The following GRM7 variants were observed in gnomAD, a reference collection of about 807,000 sequenced individuals.
GRM7 encodes the protein metabotropic glutamate receptor 7.
A neutral mutation model predicts 84.5 loss-of-function variants in GRM7; 35 were observed. That is an observed-to-expected ratio of 0.41 (90% CI 0.32 to 0.55). The LOEUF (loss-of-function observed/expected upper bound fraction) is 0.55, where lower values mean the gene tolerates loss of function less well. Among genes scored for constraint, GRM7 ranks in the 20% least tolerant of loss-of-function variants. GRM7 has a pLI of 0.19. For missense variants in GRM7, 1,003 were observed against 1,194.6 expected (o/e 0.84, Z 2.36); for synonymous variants, 487 against 455.1 (o/e 1.07, Z -0.89).
chr3:7,337,509 A>G (rs2125073914), intron 4 of GRM7, among the ~76,000 whole-genome samples: 1 of 152,248 alleles, frequency 6.6e-6, no homozygotes, highest in African/African-American at 2.4e-5. Flanking sequence ...TTCGCAAACT[A>G]CGCATCCAAC....
chr3:7,358,666 C>G (rs564978337), intron 4 of GRM7, among the ~76,000 whole-genome samples: 3 of 132,024 alleles, frequency 2.3e-5, no homozygotes, highest in Non-Finnish European at 4.8e-5. Flanking sequence ...GCAAATAAAA[C>G]TGTTTAACTT....
chr3:7,465,839 C>A (rs752505392), intron 7 of GRM7, among the ~76,000 whole-genome samples: 13 of 152,080 alleles, frequency 8.5e-5, no homozygotes, highest in Admixed American at 1.3e-4. Flanking sequence ...CTCTGTAGAT[C>A]AGACTGCTCT....
chr3:7,226,062 A>G (rs1354423261), intron 2 of GRM7, among the ~76,000 whole-genome samples: 1 of 152,190 alleles, frequency 6.6e-6, no homozygotes, highest in Non-Finnish European at 1.5e-5. Flanking sequence ...TATTTTAGTT[A>G]ATTAATATTT....
At chr3:7,399,925 C>T (rs1266357207) in intron 4 of GRM7, among the ~76,000 whole-genome samples, 1 of 152,156 alleles carries the variant, frequency 6.6e-6, no homozygotes, top group East Asian at 1.9e-4. Flanking sequence ...ATCACTTGCG[C>T]AGCCTCAGGT....
intron 8 of GRM7, among the ~76,000 whole-genome samples, chr3:7,659,823 T>C (rs1460076573): frequency 1.3e-5 from 2 of 152,204 alleles, no homozygotes; most frequent in East Asian, 3.9e-4. Context: ...TCTAGTCTCT[T>C]GGGAGCTCAT....
intron 1 of GRM7, among the ~76,000 whole-genome samples, chr3:6,923,204 G>T (rs1697183370): frequency 6.6e-6 from 1 of 151,822 alleles, no homozygotes; most frequent in Admixed American, 6.6e-5. Flanking sequence ...TAGTAGAGAT[G>T]GGGTTTCACT....
intron 7 of GRM7, among the ~76,000 whole-genome samples, chr3:7,527,543 A>G (rs999913703): frequency 6.6e-6 from 1 of 151,760 alleles, no homozygotes; most frequent in Admixed American, 6.6e-5. Flanking sequence ...ATGGCTCTGG[A>G]TAGGACTTCC....
intron 4 of GRM7, among the ~76,000 whole-genome samples, chr3:7,406,526 CA>C (rs1248463476): frequency 1.3e-5 from 2 of 152,062 alleles, no homozygotes; most frequent in African/African-American, 4.8e-5. Context: ...AATTATTAAA[CA>C]TACATAAAAA....
At chr3:7,442,398 A>T (rs747516826) in intron 5 of GRM7, among the ~76,000 whole-genome samples, 8 of 152,194 alleles carry the variant, frequency 5.3e-5, no homozygotes, top group Non-Finnish European at 1.0e-4. Flanking sequence ...AATTCACAGC[A>T]TCTTCAAACA....
At chr3:7,707,203 C>A (rs919751693) in intron 9 of GRM7, among the ~76,000 whole-genome samples, 1 of 152,142 alleles carries the variant, frequency 6.6e-6, no homozygotes, top group Non-Finnish European at 1.5e-5. Flanking sequence ...TTGCTAGCTT[C>A]AAAAATCCTA....
chr3:7,595,479 AG>A (rs1695994247), intron 8 of GRM7, among the ~76,000 whole-genome samples: 1 of 152,164 alleles, frequency 6.6e-6, no homozygotes, highest in African/African-American at 2.4e-5. Context: ...TTCAAATATG[AG>A]TATGTAATAT....
intron 1 of GRM7, among the ~76,000 whole-genome samples, chr3:7,028,548 CCATTTTAAA>C (rs1333071848): frequency 6.6e-6 from 1 of 152,034 alleles, no homozygotes; most frequent in African/African-American, 2.4e-5. Flanking sequence ...CCTAAAACTA[CCATTTTAAA>C]AAAATAACAG....
intron 1 of GRM7, among the ~76,000 whole-genome samples, chr3:6,948,120 C>A (rs747105091): frequency 6.6e-6 from 1 of 152,012 alleles, no homozygotes; most frequent in Non-Finnish European, 1.5e-5. Flanking sequence ...TTTGCTGTTG[C>A]TTCTCTAGTT....
intron 7 of GRM7, among the ~76,000 whole-genome samples, chr3:7,462,805 A>G (rs1401524339): frequency 6.6e-6 from 1 of 152,140 alleles, no homozygotes; most frequent in Non-Finnish European, 1.5e-5. Context: ...ACTGGCACTA[A>G]AATTGGGTCC....
chr3:7,200,966 T>A (rs1428189955), intron 2 of GRM7, among the ~76,000 whole-genome samples: 1 of 130,244 alleles, frequency 7.7e-6, no homozygotes, highest in South Asian at 2.5e-4. Context: ...ATTTCAGAAT[T>A]TTTTTTTTTT....
intron 9 of GRM7, among the ~76,000 whole-genome samples, chr3:7,739,513 A>G (rs1575687768): frequency 6.6e-6 from 1 of 152,232 alleles, no homozygotes; most frequent in African/African-American, 2.4e-5. Flanking sequence ...AATATATCAC[A>G]TCATTGCAAC....
intron 1 of GRM7, among the ~76,000 whole-genome samples, chr3:7,086,916 T>C (rs1040139323): frequency 2.6e-5 from 4 of 152,204 alleles, no homozygotes; most frequent in East Asian, 1.9e-4. Flanking sequence ...TGCTGTTGTT[T>C]CTGTGTCTAA....
intron 8 of GRM7, among the ~76,000 whole-genome samples, chr3:7,654,861 G>A (rs1303549338): frequency 3.9e-5 from 6 of 152,086 alleles, no homozygotes; most frequent in East Asian, 1.9e-4. Flanking sequence ...AATTGCTTGG[G>A]GTGGCCCACA....
At position 7,359,317 on chromosome 3, in the gene GRM7, A is replaced by G. The variant is rs1200434395; in HGVS notation, c.1033+52665A>G. On this transcript the variant is annotated intron_variant, in intron 4 of 9. Coordinates refer to ENST00000357716, the MANE Select transcript of GRM7 (RefSeq NM_000844.4). ...ACCTCACAAAAAGTAACTGAATCCT[A>G]TTCACCCCTCCTCCTCTTTTTTTTT... 2.6e-4 allele frequency among the ~76,000 whole-genome samples: 30 copies of G among 116,478 alleles called. 1 individual carries two copies. The allele number at this position is 116,478 out of a possible 152,430, so 76.4% of individuals were successfully genotyped here.
Sources: gnomAD v4.1 joint callset for allele counts (sites outside exome capture counted in the v4.1 genomes callset) on GRCh38, gnomAD v4.1.1 for gene constraint, MANE v1.5 for transcripts, NCBI Gene and HGNC (gene_info 2026-07-23, HGNC 2026-07-21) for gene names.